Variants in AP1G1 observed in about 807,000 individuals in gnomAD.
AP1G1 encodes the protein adaptor related protein complex 1 subunit gamma 1.
AP1G1 carries 7 observed loss-of-function variants against 108.3 expected under a neutral mutation model. The observed-to-expected ratio is 0.06, with a 90% CI of 0.04 to 0.12. The LOEUF (loss-of-function observed/expected upper bound fraction) is 0.12. Among genes scored for constraint, AP1G1 ranks in the 10% least tolerant of loss-of-function variants. The pLI is 1.00. For missense variants in AP1G1, 756 were observed against 1,010.7 expected (o/e 0.75, Z 3.42); for synonymous variants, 379 against 353.5 (o/e 1.07, Z -0.81).
intron 5 of AP1G1, among the ~76,000 whole-genome samples, chr16:71,770,185 A>C (rs1567653331): frequency 6.6e-6 from 1 of 152,206 alleles, no homozygotes; most frequent in Non-Finnish European, 1.5e-5. Context: ...AAACAATCTC[A>C]CAATGCTTTT....
rs763953689 is a variant in AP1G1, at chr16:71,789,492, G to A, written c.-3-10C>T. ...TGGGGGCTGGCATCCTCTGGATATG[G>A]AAAGACATTAAATAGAGATGTTCAC... On this transcript the variant is annotated splice_polypyrimidine_tract_variant and intron_variant, in intron 1 of 22. Transcript: ENST00000299980. 1.9e-6 allele frequency: 3 copies of A among 1,613,072 alleles called. No individual in the cohort carries two copies. Among genetic ancestry groups the A allele is most frequent in the African/African-American group, 1.3e-5 (1 of 75,018 alleles).
chr16:71,801,855 G>C (rs1404687774), intron 1 of AP1G1, among the ~76,000 whole-genome samples: 3 of 150,714 alleles, frequency 2.0e-5, no homozygotes, highest in Non-Finnish European at 3.0e-5. Context: ...CCGGGAGGCG[G>C]AGCTTGCAGT....
At chr16:71,752,056 G>T (rs548291620) in intron 13 of AP1G1, among the ~76,000 whole-genome samples, 3 of 152,158 alleles carry the variant, frequency 2.0e-5, no homozygotes, top group African/African-American at 7.2e-5. Context: ...CCCTGACCAC[G>T]TATTCCAGGT....
intron 1 of AP1G1, among the ~76,000 whole-genome samples, chr16:71,797,462 T>C (rs1263899999): frequency 1.3e-5 from 2 of 152,044 alleles, no homozygotes; most frequent in Non-Finnish European, 2.9e-5. Context: ...GAAAAACTTA[T>C]CTAAGTGTAC....
intron 6 of AP1G1, among the ~76,000 whole-genome samples, chr16:71,768,892 T>A (rs754696498): frequency 7.8e-4 from 89 of 113,654 alleles, no homozygotes; most frequent in Non-Finnish European, 1.2e-3. Context: ...CACTCCAGCA[T>A]GGGCGACAGA....
At chr16:71,777,296 G>C (rs2031823171) in intron 2 of AP1G1, among the ~76,000 whole-genome samples, 2 of 150,570 alleles carry the variant, frequency 1.3e-5, no homozygotes, top group Non-Finnish European at 3.0e-5. Context: ...GGTTAGGCAG[G>C]AGAGGCTACC....
At chr16:71,757,976 C>T (rs1365586948) in intron 11 of AP1G1, among the ~76,000 whole-genome samples, 1 of 152,164 alleles carries the variant, frequency 6.6e-6, no homozygotes, top group Non-Finnish European at 1.5e-5. Context: ...GCTCTGAGAA[C>T]CCACTGAGAG....
intron 1 of AP1G1, among the ~76,000 whole-genome samples, chr16:71,789,967 T>C (rs895798273): frequency 1.3e-5 from 2 of 152,144 alleles, no homozygotes; most frequent in African/African-American, 2.4e-5. Context: ...GAAGACCAAT[T>C]GTCAGATTAA....
chr16:71,761,469 G>T, intron 10 of AP1G1, 43 bp downstream of exon 10: 1 of 1,320,664 alleles, frequency 7.6e-7, no homozygotes, highest in Non-Finnish European at 1.1e-6. Context: ...AAAATACTGG[G>T]CTTATAATAT....
At chr16:71,768,477 G>T (rs1182651090) in intron 6 of AP1G1, among the ~76,000 whole-genome samples, 4 of 108,144 alleles carry the variant, frequency 3.7e-5, no homozygotes, top group Admixed American at 1.5e-4. Context: ...CCTCAGCCTG[G>T]GCGACAGAGC....
chr16:71,796,833 T>C (rs2142271080), intron 1 of AP1G1, among the ~76,000 whole-genome samples: 1 of 152,206 alleles, frequency 6.6e-6, no homozygotes, highest in South Asian at 2.1e-4. Flanking sequence ...CAGATGTCTA[T>C]AAATGCAAAC....
In AP1G1 at chr16:71,764,688, A is replaced by G. The variant is rs554624012; in HGVS notation, c.777T>C (p.Asn259=). ...ILRLLRILGR[N]DDDSSEAMND... ...TCATAGCTTCACTTGAATCATCATCATTTCGTCCTAAAATTCTTAATAACC... is the reference window on the plus strand; with the variant it reads ...TCATAGCTTCACTTGAATCATCATCGTTTCGTCCTAAAATTCTTAATAACC... Residue 259 remains asparagine, a synonymous_variant, in exon 8 of 23, where the codon AAT becomes AAC. Coordinates refer to ENST00000299980, the MANE Select transcript of AP1G1 (RefSeq NM_001128.6). The G allele has an allele frequency of 1.2e-6, 2 of 1,611,802 alleles. No individual in the cohort carries two copies. Among genetic ancestry groups the G allele is most frequent in the East Asian group, 4.5e-5 (2 of 44,740 alleles).
At chr16:71,807,668 G>T in intron 1 of AP1G1, 1 of 529,028 alleles carries the variant, frequency 1.9e-6, no homozygotes, top group Non-Finnish European at 3.1e-6. Context: ...ATCATTACAA[G>T]TATTTTTTAG....
rs1271288421 is a variant in AP1G1, at chr16:71,743,811, T to A, written c.1999+1333A>T. 6.0e-5 allele frequency among the ~76,000 whole-genome samples: 9 copies of A among 151,088 alleles called. No individual in the cohort carries two copies. In the South Asian group the frequency reaches 1.9e-3, roughly 32 times the overall value. On this transcript the variant is annotated intron_variant, in intron 19 of 22. Coordinates refer to ENST00000299980, the MANE Select transcript of AP1G1 (RefSeq NM_001128.6). ...AACTACAAAAATTAGCCAGGCGCAG[T>A]AGCAGGCGCCTGTAATCCCAGCTAT...
At chr16:71,760,711 C>G (rs1478110503) in intron 10 of AP1G1, among the ~76,000 whole-genome samples, 2 of 151,876 alleles carry the variant, frequency 1.3e-5, no homozygotes, top group Non-Finnish European at 2.9e-5. Flanking sequence ...AGCCACCTGG[C>G]TCATTTTTGT....
chr16:71,790,185 T>A (rs1239201315), intron 1 of AP1G1, among the ~76,000 whole-genome samples: 1 of 151,812 alleles, frequency 6.6e-6, no homozygotes, highest in African/African-American at 2.4e-5. Flanking sequence ...CACTACCTAA[T>A]TTCAAGAATT....
intron 13 of AP1G1, among the ~76,000 whole-genome samples, chr16:71,751,801 A>G (rs1462185634): frequency 6.6e-6 from 1 of 152,222 alleles, no homozygotes; most frequent in Non-Finnish European, 1.5e-5. Context: ...CAAATAACAT[A>G]AATCATAGAC....
chr16:71,777,579 C>T (rs2031838256), intron 2 of AP1G1: 1 of 378,290 alleles, frequency 2.6e-6, no homozygotes, highest in Admixed American at 3.1e-5. Context: ...AGAGGCCTCC[C>T]ATCCCCAGCC....
intron 1 of AP1G1, among the ~76,000 whole-genome samples, chr16:71,807,289 G>A (rs1297688011): frequency 2.6e-5 from 4 of 152,154 alleles, no homozygotes; most frequent in African/African-American, 7.2e-5. Context: ...AAAATTAGCC[G>A]GGCGTGGCGG....
Sources: gnomAD v4.1 joint callset for allele counts (sites outside exome capture counted in the v4.1 genomes callset) on GRCh38, gnomAD v4.1.1 for gene constraint, MANE v1.5 for transcripts, NCBI Gene and HGNC (gene_info 2026-07-23, HGNC 2026-07-21) for gene names.